The following KIF26B variants were observed in gnomAD, a reference collection of about 807,000 sequenced individuals.
KIF26B encodes kinesin-like protein KIF26B.
In KIF26B, 63 loss-of-function variants were observed where a neutral mutation model predicts 151.2. The ratio of observed to expected loss-of-function variants is 0.42; its 90% CI spans 0.34 to 0.51. The LOEUF (loss-of-function observed/expected upper bound fraction) is 0.51. KIF26B is among the 20% of genes least tolerant of loss of function. The pLI is 0.07. For synonymous variants in KIF26B, 1,357 were observed against 1,262.1 expected (o/e 1.08, Z -1.59); for missense variants, 2,813 against 2,913.6 (o/e 0.97, Z 0.79).
chr1:245,330,820 A>AGTCGGGGGAGG (rs1672093472), intron 2 of KIF26B, among the ~76,000 whole-genome samples: 1 of 28,800 alleles, frequency 3.5e-5, no homozygotes. Flanking sequence ...GTCGGGGGAG[A>AGTCGGGGGAGG]GTCGGGGAGG....
intron 14 of KIF26B, among the ~76,000 whole-genome samples, chr1:245,700,001 T>C (rs1264048255): frequency 6.6e-6 from 1 of 152,240 alleles, no homozygotes; most frequent in Non-Finnish European, 1.5e-5. Context: ...GCCTTCCACA[T>C]GTAACTGCAG....
chr1:245,675,798 G>A (rs953767657), intron 10 of KIF26B, among the ~76,000 whole-genome samples: 4 of 152,132 alleles, frequency 2.6e-5, no homozygotes, highest in Non-Finnish European at 2.9e-5. Context: ...CATGATAACT[G>A]TCTTTAAAGT....
intron 4 of KIF26B, among the ~76,000 whole-genome samples, chr1:245,456,007 G>A (rs912600572): frequency 2.6e-5 from 4 of 152,038 alleles, no homozygotes; most frequent in Non-Finnish European, 5.9e-5. Flanking sequence ...GACTGTATCA[G>A]GGTATAAAGA....
intron 4 of KIF26B, among the ~76,000 whole-genome samples, chr1:245,476,292 T>C (rs1223073993): frequency 1.3e-5 from 2 of 151,682 alleles, no homozygotes; most frequent in East Asian, 3.9e-4. Flanking sequence ...AGGGTGTGAG[T>C]GAGGAAGATA....
At chr1:245,453,725 C>T (rs1052337165) in intron 4 of KIF26B, among the ~76,000 whole-genome samples, 1 of 152,086 alleles carries the variant, frequency 6.6e-6, no homozygotes, top group African/African-American at 2.4e-5. Flanking sequence ...GGATTACAAA[C>T]GATAGGGGAA....
At chr1:245,273,571 G>A (rs1670889555) in intron 2 of KIF26B, among the ~76,000 whole-genome samples, 1 of 151,858 alleles carries the variant, frequency 6.6e-6, no homozygotes, top group African/African-American at 2.4e-5. Flanking sequence ...ATTTATAATT[G>A]TTGTATCTTC....
chr1:245,225,761 A>G (rs1445896298), intron 2 of KIF26B, among the ~76,000 whole-genome samples: 1 of 152,186 alleles, frequency 6.6e-6, no homozygotes, highest in Non-Finnish European at 1.5e-5. Flanking sequence ...TTAGCAAAAC[A>G]CAACTAGGTT....
chr1:245,246,711 T>G (rs756376003), intron 2 of KIF26B, among the ~76,000 whole-genome samples: 1 of 152,124 alleles, frequency 6.6e-6, no homozygotes, highest in Non-Finnish European at 1.5e-5. Context: ...TTGTTAAATA[T>G]CGTGAATTTC....
rs146445379 is a variant in KIF26B, at chr1:245,667,229, G to T, written c.2259-17004G>T. 0.014 allele frequency among the ~76,000 whole-genome samples: 2,070 copies of T among 152,270 alleles called. 58 individuals are homozygous for T. Among genetic ancestry groups the T allele is most frequent in the African/African-American group, 0.047 (1,962 of 41,532 alleles). On this transcript the variant is annotated intron_variant, in intron 10 of 14. Coordinates refer to ENST00000407071, the MANE Select transcript of KIF26B (RefSeq NM_018012.4). This position sits in a 1 kb window ranked among gnomAD's most constrained non-coding sequence, Gnocchi z 4.3. ...TGAAACACTCTGCCCAGGCTGGAGT[G>T]CAGTGGCACGATCTCGGCTCACTGC...
chr1:245,679,397 C>G (rs976077471), intron 10 of KIF26B, among the ~76,000 whole-genome samples: 1 of 144,452 alleles, frequency 6.9e-6, no homozygotes, highest in African/African-American at 2.6e-5. Context: ...TAAGTGTTCA[C>G]TGATTTTAAA....
At chr1:245,235,589 CAAAG>C (rs561810453) in intron 2 of KIF26B, among the ~76,000 whole-genome samples, 246 of 146,388 alleles carry the variant, frequency 1.7e-3, no homozygotes, top group African/African-American at 5.9e-3. Flanking sequence ...ACTCTGGAAA[CAAAG>C]AAAAGAAAAG....
chr1:245,221,685 G>T (rs1347617827), intron 2 of KIF26B, among the ~76,000 whole-genome samples: 1 of 152,224 alleles, frequency 6.6e-6, no homozygotes, highest in African/African-American at 2.4e-5. Flanking sequence ...GGGATTACAG[G>T]TGTGGGCACA....
chr1:245,410,341 A>AC (rs886777606), intron 3 of KIF26B, among the ~76,000 whole-genome samples: 1 of 152,226 alleles, frequency 6.6e-6, no homozygotes, highest in African/African-American at 2.4e-5. Flanking sequence ...CTCGGGCCTC[A>AC]CCGTTGATGG....
chr1:245,573,500 G>A (rs1264503214), intron 5 of KIF26B, among the ~76,000 whole-genome samples: 3 of 152,122 alleles, frequency 2.0e-5, no homozygotes, highest in Admixed American at 2.0e-4. Flanking sequence ...TCCAGCCTGG[G>A]TGACAGAGCT....
At chr1:245,655,824 A>G (rs1446228079) in intron 10 of KIF26B, among the ~76,000 whole-genome samples, 2 of 152,214 alleles carry the variant, frequency 1.3e-5, no homozygotes, top group African/African-American at 4.8e-5. Context: ...TAGTGAGAGA[A>G]TGGTTTTCGT....
rs1454478615 is a variant in KIF26B at position 245,572,558 on chromosome 1, G to A, written c.1351-30019G>A. Among the ~76,000 whole-genome samples, 2 of 151,990 alleles carry A rather than the reference G, an allele frequency of 1.3e-5. No individual in the cohort carries two copies. The highest frequency in any genetic ancestry group is 1.9e-4 in the East Asian group (1 of 5,182). Reference sequence around the variant, plus strand: ...GAACACTCAGTTAAAATTCCTACTCGCTGCAGTGGGAAATTTTATGTTATG... The same window carrying A: ...GAACACTCAGTTAAAATTCCTACTCACTGCAGTGGGAAATTTTATGTTATG... On this transcript the variant is annotated intron_variant, in intron 5 of 14. Transcript: ENST00000407071. This position sits in a 1 kb window ranked among gnomAD's most constrained non-coding sequence, Gnocchi z 4.2.
intron 2 of KIF26B, among the ~76,000 whole-genome samples, chr1:245,232,377 G>A (rs1670015728): frequency 6.6e-6 from 1 of 152,160 alleles, no homozygotes; most frequent in South Asian, 2.1e-4. Context: ...GAAGGCACCC[G>A]AGTAGATTTA....
intron 5 of KIF26B, among the ~76,000 whole-genome samples, chr1:245,592,602 G>T (rs960430968): frequency 6.6e-6 from 1 of 152,128 alleles, no homozygotes; most frequent in Non-Finnish European, 1.5e-5. Flanking sequence ...TGGTCAACAC[G>T]GAGCAGTCGC....
chr1:245,353,208 AG>A (rs1383198208), intron 2 of KIF26B, among the ~76,000 whole-genome samples: 8 of 152,298 alleles, frequency 5.3e-5, no homozygotes, highest in African/African-American at 1.7e-4. Context: ...GAATGACTAG[AG>A]GCAGCAGGGA....
Sources: gnomAD v4.1 joint callset for allele counts (sites outside exome capture counted in the v4.1 genomes callset) on GRCh38, gnomAD v4.1.1 for gene constraint, Gnocchi (gnomAD v3.1) non-coding constraint, MANE v1.5 for transcripts, NCBI Gene and HGNC (gene_info 2026-07-23, HGNC 2026-07-21) for gene names.